The following FAM81B variants were observed in gnomAD, a reference collection of about 807,000 sequenced individuals.
The protein encoded by FAM81B is family with sequence similarity 81 member B.
A neutral mutation model predicts 58.7 loss-of-function variants in FAM81B; 60 were observed. The observed-to-expected ratio is 1.02, with a 90% CI of 0.83 to 1.27. The LOEUF (loss-of-function observed/expected upper bound fraction) is 1.27. Among genes scored for constraint, FAM81B ranks in the 50% most tolerant of loss-of-function variants. FAM81B has a pLI of 0.00. For synonymous variants in FAM81B, 189 were observed against 179.6 expected (o/e 1.05, Z -0.42); for missense variants, 491 against 522.0 (o/e 0.94, Z 0.58).
chr5:95,446,467 G>C (rs1745561346), intron 7 of FAM81B, 95 bp from the exon 8 acceptor site: 2 of 1,201,316 alleles, frequency 1.7e-6, no homozygotes, highest in East Asian at 5.3e-5. Flanking sequence ...GACACACTGA[G>C]TCTCGTCACC....
At chr5:95,437,187 A>G (rs562360403) in intron 7 of FAM81B, among the ~76,000 whole-genome samples, 26 of 152,248 alleles carry the variant, frequency 1.7e-4, no homozygotes, top group African/African-American at 6.0e-4. Flanking sequence ...ACTTATTATC[A>G]ATTGCATATT....
At chr5:95,393,225 T>G (rs1034415152) in intron 2 of FAM81B, among the ~76,000 whole-genome samples, 2 of 152,188 alleles carry the variant, frequency 1.3e-5, no homozygotes, top group Non-Finnish European at 2.9e-5. Flanking sequence ...AAAACCGGTA[T>G]AGCTAAATAG....
intron 7 of FAM81B, among the ~76,000 whole-genome samples, chr5:95,443,682 T>C (rs1366997843): frequency 6.6e-6 from 1 of 152,208 alleles, no homozygotes; most frequent in Non-Finnish European, 1.5e-5. Context: ...TCTTTACATC[T>C]CTCAAGGAGA....
chr5:95,397,322 A>G (rs1373345096), intron 3 of FAM81B, among the ~76,000 whole-genome samples: 2 of 152,248 alleles, frequency 1.3e-5, no homozygotes, highest in East Asian at 1.9e-4. Flanking sequence ...AAAAAATGCA[A>G]TATTTGGACA....
At chr5:95,430,691 T>C (rs1212124442) in intron 6 of FAM81B, among the ~76,000 whole-genome samples, 2 of 152,054 alleles carry the variant, frequency 1.3e-5, no homozygotes, top group African/African-American at 4.8e-5. Flanking sequence ...AGAAGTGGGA[T>C]TTCAGGATCA....
intron 3 of FAM81B, among the ~76,000 whole-genome samples, chr5:95,397,225 A>G (rs1452450040): frequency 6.6e-6 from 1 of 152,240 alleles, no homozygotes; most frequent in African/African-American, 2.4e-5. Flanking sequence ...TTCATGTTCC[A>G]CATAACTTGT....
At chr5:95,412,083 C>A (rs1052697967) in intron 3 of FAM81B, among the ~76,000 whole-genome samples, 1 of 151,742 alleles carries the variant, frequency 6.6e-6, no homozygotes, top group Non-Finnish European at 1.5e-5. Flanking sequence ...GGAGGTAGTC[C>A]ATTAGAGCTG....
intron 6 of FAM81B, among the ~76,000 whole-genome samples, chr5:95,433,618 T>C (rs1298387444): frequency 3.9e-5 from 6 of 152,194 alleles, no homozygotes; most frequent in African/African-American, 1.4e-4. Context: ...GTTTTAGTTT[T>C]TGGAATATTT....
intron 5 of FAM81B, 110 bp from the exon 6 acceptor site, chr5:95,428,493 C>T: frequency 7.5e-7 from 1 of 1,338,020 alleles, no homozygotes; most frequent in South Asian, 1.4e-5. Flanking sequence ...CCAACTCATT[C>T]TTCAAATGAC....
chr5:95,411,569 C>T (rs1443799038), intron 3 of FAM81B, among the ~76,000 whole-genome samples: 3 of 152,100 alleles, frequency 2.0e-5, no homozygotes, highest in Non-Finnish European at 4.4e-5. Context: ...TGTATAAATG[C>T]ATAACACTAT....
intron 3 of FAM81B, among the ~76,000 whole-genome samples, chr5:95,403,792 A>G (rs576715811): frequency 6.6e-6 from 1 of 152,344 alleles, no homozygotes; most frequent in African/African-American, 2.4e-5. Flanking sequence ...GAAGCCCCAT[A>G]GCAGGTTTCT....
intron 5 of FAM81B, among the ~76,000 whole-genome samples, chr5:95,423,547 TAAAAAAA>T (rs70978187): frequency 1.4e-4 from 17 of 123,466 alleles, no homozygotes; most frequent in East Asian, 5.2e-4. Context: ...TGCATGTGGG[TAAAAAAA>T]AAAAAAAAAA....
At chr5:95,440,442 C>G (rs1745289159) in intron 7 of FAM81B, 1 of 646,390 alleles carries the variant, frequency 1.5e-6, no homozygotes, top group African/African-American at 1.8e-5. Context: ...AATTTTGGTT[C>G]AGGAGCACCT....
intron 5 of FAM81B, among the ~76,000 whole-genome samples, chr5:95,423,316 C>A (rs1038903078): frequency 6.6e-6 from 1 of 152,056 alleles, no homozygotes; most frequent in Non-Finnish European, 1.5e-5. Context: ...AAGTTGCCAG[C>A]CTGCTTTTGA....
At chr5:95,442,449 G>A (rs1430169591) in intron 7 of FAM81B, among the ~76,000 whole-genome samples, 1 of 152,122 alleles carries the variant, frequency 6.6e-6, no homozygotes, top group Non-Finnish European at 1.5e-5. Flanking sequence ...TTAAAGATTA[G>A]GACATATAAA....
chr5:95,412,851 G>A (rs991113549), intron 3 of FAM81B, among the ~76,000 whole-genome samples: 3 of 152,176 alleles, frequency 2.0e-5, no homozygotes, highest in South Asian at 2.1e-4. Context: ...AGATGGGGAC[G>A]ATTTTCAAAG....
chr5:95,402,228 C>G (rs1005627161), intron 3 of FAM81B, among the ~76,000 whole-genome samples: 1 of 152,136 alleles, frequency 6.6e-6, no homozygotes, highest in African/African-American at 2.4e-5. Context: ...TTGAGACATG[C>G]TCATGTGTTT....
intron 3 of FAM81B, among the ~76,000 whole-genome samples, chr5:95,397,487 C>G (rs1225785394): frequency 2.0e-5 from 3 of 152,182 alleles, no homozygotes; most frequent in African/African-American, 7.2e-5. Context: ...AAAAATCATT[C>G]TTCTGATCCG....
At chr5:95,419,108 A>G (rs1215237353) in intron 4 of FAM81B, among the ~76,000 whole-genome samples, 1 of 152,176 alleles carries the variant, frequency 6.6e-6, no homozygotes, top group African/African-American at 2.4e-5. Context: ...AACAGAAAAC[A>G]AAATACCTGC....
Sources: gnomAD v4.1 joint callset for allele counts (sites outside exome capture counted in the v4.1 genomes callset) on GRCh38, gnomAD v4.1.1 for gene constraint, MANE v1.5 for transcripts, NCBI Gene and HGNC (gene_info 2026-07-23, HGNC 2026-07-21) for gene names.